The following TRUB2 variants were observed in gnomAD, a reference collection of about 807,000 sequenced individuals.
TRUB2 encodes the protein pseudouridylate synthase TRUB2, mitochondrial.
TRUB2 carries 31 observed loss-of-function variants against 31.9 expected under a neutral mutation model. That is an observed-to-expected ratio of 0.97 (90% CI 0.73 to 1.31). TRUB2 has a LOEUF of 1.31. Ranked by LOEUF, TRUB2 falls within the 50% of genes most tolerant of loss-of-function variation. The pLI is 0.00. For synonymous variants in TRUB2, 201 were observed against 182.6 expected (o/e 1.10, Z -0.81); for missense variants, 451 against 439.6 (o/e 1.03, Z -0.23).
chr9:128,315,542 G>A (rs775569109), intron 4 of TRUB2, 25 bp downstream of exon 4: 1 of 1,610,030 alleles, frequency 6.2e-7, no homozygotes, highest in Non-Finnish European at 8.5e-7. Context: ...CAAGGGAGAA[G>A]CAGGCTGTCC....
chr9:128,322,410 C>G lies in TRUB2; in HGVS notation c.-2G>C. 2 of 1,614,162 alleles carry G rather than the reference C, an allele frequency of 1.2e-6. No homozygotes were observed. The highest frequency in any genetic ancestry group is 2.2e-5 in the East Asian group (1 of 44,884). On this transcript the variant is annotated 5_prime_UTR_variant, in exon 1 of 8. Coordinates refer to ENST00000372890, the MANE Select transcript of TRUB2 (RefSeq NM_015679.3). ...CCGCGACAAGCCAGCAGACCCCATA[C>G]TTGAAGATCACAGCACCCGCTGGAC... is the stretch of plus-strand genomic sequence containing the variant.
chr9:128,322,400 A>C lies in TRUB2; in HGVS notation c.9T>G (p.Ser3=), dbSNP rs1832208153. The C allele has an allele frequency of 4.3e-6, 7 of 1,614,190 alleles. No homozygotes were observed. Among genetic ancestry groups the C allele is most frequent in the Non-Finnish European group, 5.9e-6 (7 of 1,180,042 alleles). ...GCCCATGCAGCCGCGACAAGCCAGC[A>C]GACCCCATACTTGAAGATCACAGCA... MG[S]AGLSRLHGLF... Residue 3 remains serine, a synonymous_variant, in exon 1 of 8, where the codon TCT becomes TCG. Transcript: ENST00000372890.
intron 5 of TRUB2, among the ~76,000 whole-genome samples, chr9:128,313,535 CAAAAAAAA>C (rs563876862): frequency 1.0e-4 from 8 of 79,220 alleles, no homozygotes; most frequent in African/African-American, 3.3e-4. Context: ...GACTCCGTCT[CAAAAAAAA>C]AAAAAAAAAA....
chr9:128,310,936 C>T lies in TRUB2; in HGVS notation c.621G>A (p.Leu207=). ...AGTAGAGGCATCGGATGCCAGTTATCAGCATCGGGGACTTGTTCATGGGCC... is the reference window on the plus strand; with the variant it reads ...AGTAGAGGCATCGGATGCCAGTTATTAGCATCGGGGACTTGTTCATGGGCC... ...LIRPMNKSPM[L]ITGIRCLYFA... Residue 207 remains leucine (L), a synonymous_variant, in exon 7 of 8, where the codon CTG becomes CTA. Coordinates refer to ENST00000372890, the MANE Select transcript of TRUB2 (RefSeq NM_015679.3). 6.2e-7 allele frequency: 1 copy of T among 1,614,220 alleles called. No homozygotes were observed. The highest frequency in any genetic ancestry group is 2.2e-5 in the East Asian group (1 of 44,880).
At chr9:128,312,326 C>T (rs540809198) in intron 5 of TRUB2, among the ~76,000 whole-genome samples, 60 of 150,784 alleles carry the variant, frequency 4.0e-4, no homozygotes, top group Non-Finnish European at 7.1e-4. Context: ...TTAGTAGAGA[C>T]GGGGTTTCAC....
chr9:128,310,787 C>T, intron 7 of TRUB2, 100 bp downstream of exon 7: 1 of 1,521,542 alleles, frequency 6.6e-7, no homozygotes, highest in Non-Finnish European at 9.0e-7. Context: ...GTGCTGGCCT[C>T]AGCTGAGCCA....
At chr9:128,315,301 A>C (rs1832047290) in intron 4 of TRUB2, among the ~76,000 whole-genome samples, 1 of 152,238 alleles carries the variant, frequency 6.6e-6, no homozygotes, top group Non-Finnish European at 1.5e-5. Flanking sequence ...AATGTGGCTA[A>C]CAACAGATTC....
chr9:128,314,952 CT>C (rs1832041968), intron 4 of TRUB2, among the ~76,000 whole-genome samples: 1 of 152,170 alleles, frequency 6.6e-6, no homozygotes, highest in African/African-American at 2.4e-5. Context: ...GGACACACAG[CT>C]GTCAGAGTGG....
In TRUB2 at chr9:128,313,875, A is replaced by G. The variant is rs1288830665; in HGVS notation, c.393T>C (p.Arg131=). ...NAHLTKDYTV[R]GLLGKATDDF... ...CATCTGTAGCTTTGCCCAGGAGGCC[A>G]CGCACTGTGTAATCCTTCAAGGACA... Residue 131 remains arginine (R), a synonymous_variant, in exon 5 of 8, where the codon CGT becomes CGC. Coordinates refer to ENST00000372890, the MANE Select transcript of TRUB2 (RefSeq NM_015679.3). 1.9e-6 allele frequency: 3 copies of G among 1,614,076 alleles called. No homozygotes were observed. In the African/African-American group the frequency reaches 4.0e-5, roughly 22 times the overall value.
chr9:128,320,788 T>TA (rs1832154285), intron 2 of TRUB2, among the ~76,000 whole-genome samples: 1 of 151,854 alleles, frequency 6.6e-6, no homozygotes, highest in Non-Finnish European at 1.5e-5. Context: ...AAATCATCTC[T>TA]AGATTACCTT....
Position 128,317,213 on chromosome 9 carries a change from T to G in TRUB2, c.255A>C (p.Ala85=). 1 of 1,594,680 alleles carries G rather than the reference T, an allele frequency of 6.3e-7. No individual in the cohort carries two copies. The highest frequency in any genetic ancestry group is 2.3e-5 in the East Asian group (1 of 44,294). Residue 85 remains alanine (A), a synonymous_variant, in exon 3 of 8, where the codon GCA becomes GCC. Transcript: ENST00000372890. ...CCACGCCAACCTTGAGATGGGCGAA[T>G]GCTGGTCCACATACTGGAAAGAAAC... ...FINHPLVCGP[A]FAHLKVGVGH...
At chr9:128,318,498 G>C (rs551937527) in intron 2 of TRUB2, among the ~76,000 whole-genome samples, 3 of 152,062 alleles carry the variant, frequency 2.0e-5, no homozygotes, top group African/African-American at 7.2e-5. Context: ...GAAGACTGAA[G>C]ACTGTTTTTT....
At chr9:128,315,723 T>C in intron 3 of TRUB2, 95 bp from the exon 4 acceptor site, 12 of 1,417,726 alleles carry the variant, frequency 8.5e-6, no homozygotes, top group Non-Finnish European at 1.2e-5. Flanking sequence ...TACTCCCTTT[T>C]CTGATGCTGC....
intron 1 of TRUB2, among the ~76,000 whole-genome samples, chr9:128,322,087 G>C (rs2131458893): frequency 6.6e-6 from 1 of 152,344 alleles, no homozygotes; most frequent in Non-Finnish European, 1.5e-5. Context: ...CTACAACGTA[G>C]TAACCGTGTG....
chr9:128,312,818 C>T (rs1183571267), intron 5 of TRUB2, among the ~76,000 whole-genome samples: 3 of 151,518 alleles, frequency 2.0e-5, no homozygotes, highest in African/African-American at 7.3e-5. Flanking sequence ...TTTACCATAT[C>T]AGCCAGGCTG....
At chr9:128,314,432 A>C (rs1588524331) in intron 4 of TRUB2, among the ~76,000 whole-genome samples, 1 of 148,572 alleles carries the variant, frequency 6.7e-6, no homozygotes, top group Non-Finnish European at 1.5e-5. Context: ...GCTTGTAAAA[A>C]CTCCCCCTCC....
In TRUB2 at chr9:128,306,945, A is replaced by G. The variant is rs1227243984; in HGVS notation, c.*2605T>C. ...GAGACAGGGTTTCACTATGTTGGCC[A>G]GGCTGGTCTTGAACTCCTGATCTCA... is the stretch of plus-strand genomic sequence containing the variant. On this transcript the variant is annotated 3_prime_UTR_variant, in exon 8 of 8. Coordinates refer to ENST00000372890, the MANE Select transcript of TRUB2 (RefSeq NM_015679.3). 6.6e-6 allele frequency: 1 copy of G among 151,698 alleles called. No individual in the cohort carries two copies. The highest frequency in any genetic ancestry group is 2.4e-5 in the African/African-American group (1 of 41,380). The allele number at this position is 151,698 out of a possible 1,614,324, so 9.4% of individuals were successfully genotyped here. A position where few individuals can be genotyped will look rare whatever the true frequency, so the allele number is the denominator to read the frequency against.
rs766225542 is a variant in TRUB2, at chr9:128,309,626, A to T, written c.920T>A (p.Leu307His). 1 of 1,613,914 alleles carries T rather than the reference A, an allele frequency of 6.2e-7. No homozygotes were observed. Among genetic ancestry groups the T allele is most frequent in the Non-Finnish European group, 8.5e-7 (1 of 1,179,962 alleles). Residue 307 changes from leucine (L) to histidine (H), a missense_variant, in exon 8 of 8, where the codon CTC becomes CAC. Physicochemically the swap from Leu to His is moderately conservative, Grantham distance 99. Coordinates refer to ENST00000372890, the MANE Select transcript of TRUB2 (RefSeq NM_015679.3). ...SLSPGLDTKQ[L>H]PSPGWSWDSQ... ...GTCCCAGGACCATCCCGGACTGGGG[A>T]GCTGCTTGGTGTCCAGCCCCGGGCT...
rs1345992407 is a variant in TRUB2 at position 128,318,159 on chromosome 9, C to A, written c.242-933G>T. Among the ~76,000 whole-genome samples the A allele has an allele frequency of 3.3e-5, 5 of 152,096 alleles. No individual in the cohort carries two copies. In the East Asian group the frequency reaches 7.7e-4, roughly 23 times the overall value. ...AGGAGTTCGAGACCAGCCTGGCCAACATGGTGAAACCCCATCTCTACTAAA... is the reference window on the plus strand; with the variant it reads ...AGGAGTTCGAGACCAGCCTGGCCAAAATGGTGAAACCCCATCTCTACTAAA... On this transcript the variant is annotated intron_variant, in intron 2 of 7. Coordinates refer to ENST00000372890, the MANE Select transcript of TRUB2 (RefSeq NM_015679.3).
Sources: gnomAD v4.1 joint callset for allele counts (sites outside exome capture counted in the v4.1 genomes callset) on GRCh38, gnomAD v4.1.1 for gene constraint, MANE v1.5 for transcripts, NCBI Gene and HGNC (gene_info 2026-07-23, HGNC 2026-07-21) for gene names.